HEBP2: variants seen among roughly 807,000 people sequenced by gnomAD.
HEBP2 encodes the protein heme binding protein 2, also known as heme-binding protein 2.
A neutral mutation model predicts 23.1 loss-of-function variants in HEBP2; 27 were observed. That is an observed-to-expected ratio of 1.17 (90% CI 0.86 to 1.61). The LOEUF is 1.61. Among genes scored for constraint, HEBP2 ranks in the 40% most tolerant of loss-of-function variants. The pLI, the probability that HEBP2 is intolerant of heterozygous loss-of-function variation, is 0.00. For missense variants in HEBP2, 245 were observed against 253.8 expected (o/e 0.97, Z 0.24); for synonymous variants, 99 against 95.1 (o/e 1.04, Z -0.24).
intron 2 of HEBP2, 42 bp from the exon 3 acceptor site, chr6:138,405,929 T>C (rs1774636246): frequency 6.6e-7 from 1 of 1,517,090 alleles, no homozygotes; most frequent in Non-Finnish European, 9.1e-7. Context: ...TGTTTAAAGC[T>C]GTCAAAAATA....
In HEBP2 at chr6:138,413,072, C is replaced by T. The variant is rs909687286; in HGVS notation, c.612C>T (p.Asn204=). Residue 204 remains asparagine (N), a synonymous_variant, in exon 4 of 4, where the codon AAC becomes AAT. Transcript: ENST00000607197. ...AAAAAAATGAACCCACCAAAGAAAA[C>T]GAATGAGAAAAATGAAAGGAAGTTC... The part of the protein sequence containing the change: ...LIQKNEPTKE[N]E 4.0e-5 allele frequency: 64 copies of T among 1,611,054 alleles called. No individual in the cohort carries two copies. The highest frequency in any genetic ancestry group is 1.1e-4 in the East Asian group (5 of 44,870).
chr6:138,412,599 A>G (rs1391829683), intron 3 of HEBP2, among the ~76,000 whole-genome samples: 1 of 152,192 alleles, frequency 6.6e-6, no homozygotes, highest in Non-Finnish European at 1.5e-5. Context: ...GACTACAGGC[A>G]TCCGCCACCA....
chr6:138,404,688 T>G, intron 1 of HEBP2, 91 bp downstream of exon 1: 1 of 827,196 alleles, frequency 1.2e-6, no homozygotes, highest in Non-Finnish European at 1.6e-6. Flanking sequence ...AAGTAAAAAG[T>G]ACAGTTTTTT....
At chr6:138,408,664 G>T (rs1774691113) in intron 3 of HEBP2, among the ~76,000 whole-genome samples, 1 of 152,072 alleles carries the variant, frequency 6.6e-6, no homozygotes, top group South Asian at 2.1e-4. Context: ...CTTAATACTT[G>T]CTTATCCTTT....
In HEBP2 at chr6:138,422,117, AAT is replaced by A. The variant is rs1352269921; in HGVS notation, c.*9041_*9042del. ...TTTTCATTAAAAATGGGGATTTAAA[AAT>A]AGTTTTATAATTAGTGTTATGTTGC... On this transcript the variant is annotated 3_prime_UTR_variant, in exon 4 of 4. Transcript: ENST00000607197. 17 of 152,362 alleles carry A rather than the reference AAT, an allele frequency of 1.1e-4. No individual in the cohort carries two copies. The highest frequency in any genetic ancestry group is 4.1e-4 in the African/African-American group (17 of 41,594). 9.4% of individuals were successfully genotyped at this position (152,362 alleles called of 1,614,324 possible).
chr6:138,416,865 C>T lies in HEBP2; in HGVS notation c.*3787C>T, dbSNP rs1352212630. 6.6e-6 allele frequency: 1 copy of T among 152,162 alleles called. No individual in the cohort carries two copies. The allele number at this position is 152,162 out of a possible 1,614,324, so 9.4% of individuals were successfully genotyped here. On this transcript the variant is annotated 3_prime_UTR_variant, in exon 4 of 4. Coordinates refer to ENST00000607197, the MANE Select transcript of HEBP2 (RefSeq NM_014320.3). ...AAAAAACAAAAACATGATTCCTTGC[C>T]AGTTTCTAGTTCAGTTTTCTGACCT...
chr6:138,407,475 G>C (rs2114766226), intron 3 of HEBP2, among the ~76,000 whole-genome samples: 1 of 152,376 alleles, frequency 6.6e-6, no homozygotes, highest in African/African-American at 2.4e-5. Context: ...AAGCTCTGCT[G>C]AACAGAGGTT....
At position 138,414,244 on chromosome 6, in the gene HEBP2, C is replaced by T. The variant is rs1774803866; in HGVS notation, c.*1166C>T. ...GCTTGCTGAGCAAGAGAGCACTGCT[C>T]TTGTAGGGCACGGTCTCTCGGATAA... On this transcript the variant is annotated 3_prime_UTR_variant, in exon 4 of 4. Coordinates refer to ENST00000607197, the MANE Select transcript of HEBP2 (RefSeq NM_014320.3). 6.6e-6 allele frequency: 1 copy of T among 152,216 alleles called. No homozygotes were observed. The highest frequency in any genetic ancestry group is 2.1e-4 in the South Asian group (1 of 4,836). 9.4% of individuals were successfully genotyped at this position (152,216 alleles called of 1,614,324 possible). A position where few individuals can be genotyped will look rare whatever the true frequency, so the allele number is the denominator to read the frequency against.
chr6:138,405,897 G>A (rs1381488541), intron 2 of HEBP2, 74 bp from the exon 3 acceptor site: 5 of 1,218,728 alleles, frequency 4.1e-6, no homozygotes, highest in Non-Finnish European at 5.8e-6. Context: ...AAGGAACCCA[G>A]ATCAAAAAAG....
rs1774869101 is a variant in HEBP2 at position 138,418,257 on chromosome 6, G to C, written c.*5179G>C. 6.6e-6 allele frequency: 1 copy of C among 152,216 alleles called. No homozygotes were observed. The highest frequency in any genetic ancestry group is 6.5e-5 in the Admixed American group (1 of 15,282). The allele number at this position is 152,216 out of a possible 1,614,324, so 9.4% of individuals were successfully genotyped here. ...GCAGCTTGAATTATGTGATGTGGCA[G>C]ATCTTATGTATTGGAGGTAGGGGGA... is the stretch of plus-strand genomic sequence containing the variant. On this transcript the variant is annotated 3_prime_UTR_variant, in exon 4 of 4. Transcript: ENST00000607197.
rs1394515308 is a variant in HEBP2 at position 138,412,958 on chromosome 6, A to C, written c.498A>C (p.Gly166=). The C allele has an allele frequency of 6.2e-7, 1 of 1,614,164 alleles. No homozygotes were observed. The highest frequency in any genetic ancestry group is 1.7e-5 in the Admixed American group (1 of 60,030). The change falls in exon 4 of 4, where the codon GGA becomes GGC. Residue 166 remains glycine (G), a synonymous_variant. Transcript: ENST00000607197. The part of the protein sequence containing the change: ...LTLASILRED[G]KVFDEKVYYT... Reference sequence around the variant, plus strand: ...TAGCAAGCATTTTAAGGGAAGATGGAAAAGTTTTCGATGAGAAGGTTTACT... The same window carrying C: ...TAGCAAGCATTTTAAGGGAAGATGGCAAAGTTTTCGATGAGAAGGTTTACT...
In HEBP2 at chr6:138,404,518, A is replaced by G; in HGVS notation, c.23A>G (p.Asp8Gly). ...CCCATGGCCGAGCCGCTCCAGCCAG[A>G]CCCCGGGGCGGCCGAGGACGCGGCG... MAEPLQP[D>G]PGAAEDAAAQ... Residue 8 changes from aspartate to glycine, a missense_variant, in exon 1 of 4, where the codon GAC becomes GGC. Asp to Gly is a moderately conservative substitution (Grantham distance 94). Transcript: ENST00000607197. The G allele has an allele frequency of 7.6e-7, 1 of 1,313,676 alleles. No individual in the cohort carries two copies. Among genetic ancestry groups the G allele is most frequent in the South Asian group, 2.1e-5 (1 of 47,912 alleles). The allele number at this position is 1,313,676 out of a possible 1,614,324, so 81.4% of individuals were successfully genotyped here. A position where few individuals can be genotyped will look rare whatever the true frequency, so the allele number is the denominator to read the frequency against.
chr6:138,417,609 A>T lies in HEBP2; in HGVS notation c.*4531A>T, dbSNP rs1311591914. On this transcript the variant is annotated 3_prime_UTR_variant, in exon 4 of 4. Coordinates refer to ENST00000607197, the MANE Select transcript of HEBP2 (RefSeq NM_014320.3). ...CTAGGCAGCAAAGCAGGGAGAGGGA[A>T]GCCAGAGACCAGTGGTCCTGCTGTG... The T allele has an allele frequency of 2.0e-5, 3 of 152,644 alleles. No individual in the cohort carries two copies. The Middle Eastern group carries it at 0.01, about 509-fold the overall frequency. 9.5% of individuals were successfully genotyped at this position (152,644 alleles called of 1,614,324 possible).
intron 1 of HEBP2, 68 bp from the exon 2 acceptor site, chr6:138,405,077 C>T (rs1302200473): frequency 1.3e-6 from 2 of 1,546,082 alleles, no homozygotes; most frequent in Non-Finnish European, 1.8e-6. Flanking sequence ...ATCATGGCAC[C>T]GGTATTTTTG....
In HEBP2 at chr6:138,405,257, A is replaced by G. The variant is rs147719512; in HGVS notation, c.215A>G (p.Tyr72Cys). The change falls in exon 2 of 4, where the codon TAC (tyrosine) becomes TGC (cysteine). Residue 72 changes from tyrosine (Y) to cysteine (C), a missense_variant. Transcript: ENST00000607197. The part of the protein sequence containing the change: ...IQTGFTKLNS[Y>C]IQGKNEKEMK... ...ACGGGCTTTACGAAACTGAACAGCTACATTCAAGGCAAAAACGAGAAAGGT... is the reference window on the plus strand; with the variant it reads ...ACGGGCTTTACGAAACTGAACAGCTGCATTCAAGGCAAAAACGAGAAAGGT... 15 of 1,614,076 alleles carry G rather than the reference A, an allele frequency of 9.3e-6. No homozygotes were observed. The African/African-American group carries it at 1.3e-4, about 14-fold the overall frequency.
Position 138,415,066 on chromosome 6 carries a change from C to T in HEBP2, c.*1988C>T, listed in dbSNP as rs1343138373. 6.6e-6 allele frequency: 1 copy of T among 152,074 alleles called. No individual in the cohort carries two copies. The highest frequency in any genetic ancestry group is 1.5e-5 in the Non-Finnish European group (1 of 68,038). The allele number at this position is 152,074 out of a possible 1,614,324, so 9.4% of individuals were successfully genotyped here. On this transcript the variant is annotated 3_prime_UTR_variant, in exon 4 of 4. Transcript: ENST00000607197. ...TGTCTCAGAAAGAAAAAAAAAAGTC[C>T]TAGTCATTTCTACCAACTCGAAAGC...
intron 1 of HEBP2, 72 bp downstream of exon 1, chr6:138,404,669 C>T: frequency 1.0e-6 from 1 of 978,514 alleles, no homozygotes; most frequent in Non-Finnish European, 1.3e-6. Context: ...CAGCGGGTCC[C>T]ATAGAGTTAA....
At chr6:138,406,506 A>T (rs984060740) in intron 3 of HEBP2, among the ~76,000 whole-genome samples, 1 of 152,222 alleles carries the variant, frequency 6.6e-6, no homozygotes, top group Non-Finnish European at 1.5e-5. Context: ...TGGGTAGTTT[A>T]TGAAAAACAG....
rs9495081 is a variant in HEBP2 at position 138,421,923 on chromosome 6, C to A, written c.*8845C>A. ...TTGGGTTGTCACCTCCCCCAGAGAC[C>A]TTCTGGTCTCACTGCTTTTCTGTTT... On this transcript the variant is annotated 3_prime_UTR_variant, in exon 4 of 4. Transcript: ENST00000607197. 6.6e-6 allele frequency: 1 copy of A among 152,084 alleles called. No homozygotes were observed. The highest frequency in any genetic ancestry group is 2.4e-5 in the African/African-American group (1 of 41,388). 9.4% of individuals were successfully genotyped at this position (152,084 alleles called of 1,614,324 possible). A position where few individuals can be genotyped will look rare whatever the true frequency, so the allele number is the denominator to read the frequency against.
Sources: allele counts gnomAD v4.1 joint callset (sites outside exome capture counted in the v4.1 genomes callset), GRCh38; gene constraint gnomAD v4.1.1; transcripts MANE v1.5; gene names NCBI Gene and HGNC (gene_info 2026-07-23, HGNC 2026-07-21).